The following SDK2 variants were observed in gnomAD, a reference collection of about 807,000 sequenced individuals.
SDK2 encodes the protein sidekick cell adhesion molecule 2, also known as protein sidekick-2.
SDK2 carries 105 observed loss-of-function variants against 253.9 expected under a neutral mutation model. The ratio of observed to expected loss-of-function variants is 0.41; its 90% CI spans 0.35 to 0.49. The LOEUF (loss-of-function observed/expected upper bound fraction) is 0.49, where lower values mean the gene tolerates loss of function less well. Among genes scored for constraint, SDK2 ranks in the 20% least tolerant of loss-of-function variants. The pLI, the probability that SDK2 is intolerant of heterozygous loss-of-function variation, is 0.06. For synonymous variants in SDK2, 1,249 were observed against 1,234.9 expected, an observed-to-expected ratio of 1.01 and a Z score of -0.24; for missense variants, 2,608 against 3,003.0, an observed-to-expected ratio of 0.87 and a Z score of 3.07.
At chr17:73,444,996 G>A (rs1364168766) in intron 5 of SDK2, among the ~76,000 whole-genome samples, 1 of 152,226 alleles carries the variant, frequency 6.6e-6, no homozygotes, top group Non-Finnish European at 1.5e-5. Flanking sequence ...ATTTAATTAA[G>A]AATGGATCCC....
In SDK2 at chr17:73,440,906, C is replaced by T; in HGVS notation, c.631G>A (p.Asp211Asn). The T allele has an allele frequency of 1.3e-6, 2 of 1,551,052 alleles. No homozygotes were observed. Among genetic ancestry groups the T allele is most frequent in the Admixed American group, 2.0e-5 (1 of 50,974 alleles). Reference protein sequence around the residue: ...LTVENVGGPADPIAPTIIIPP... With the variant: ...LTVENVGGPANPIAPTIIIPP... ...ATGATGATGGTGGGTGCGATGGGGT[C>T]TGCAGGCCCCCCTACATCTGGAGAG... The change falls in exon 6 of 45, where the codon GAC becomes AAC. Residue 211 changes from aspartate to asparagine, a missense_variant. Coordinates refer to ENST00000392650, the MANE Select transcript of SDK2 (RefSeq NM_001144952.2).
chr17:73,432,745 T>G (rs1269240526), intron 10 of SDK2, among the ~76,000 whole-genome samples: 1 of 149,660 alleles, frequency 6.7e-6, no homozygotes, highest in Non-Finnish European at 1.5e-5. Flanking sequence ...CTTGCCGGTG[T>G]GAAGGAGCAA....
rs1360579650 is a variant in SDK2, at chr17:73,390,269, G to C, written c.4192+18C>G. ...CTCAGCTGCCCCCAAGCCTTCCCTG[G>C]CCCCCGTGGGCAGTCACCTCTCTTC... On this transcript the variant is annotated intron_variant, in intron 29 of 44. Transcript: ENST00000392650. 1.3e-6 allele frequency: 2 copies of C among 1,542,334 alleles called. No homozygotes were observed. Among genetic ancestry groups the C allele is most frequent in the African/African-American group, 2.7e-5 (2 of 72,814 alleles).
chr17:73,447,616 C>T lies in SDK2; in HGVS notation c.612G>A (p.Glu204=), dbSNP rs551184752. The change falls in exon 5 of 45, where the codon GAG becomes GAA. Residue 204 remains glutamate (E), a splice_region_variant and synonymous_variant. Transcript: ENST00000392650. This position sits in a 1 kb window ranked among gnomAD's most constrained non-coding sequence, Gnocchi z 4.0. ...GGTCCCGGCCCTGTGCGTACTTACT[C>T]TCCACGGTGAGCGTGATGGGCTGGC... is the stretch of plus-strand genomic sequence containing the variant. The part of the protein sequence containing the change: ...KTSQPITLTV[E]NVGGPADPIA... The T allele has an allele frequency of 6.6e-4, 1,032 of 1,551,934 alleles. 11 individuals carry two copies. The South Asian group carries it at 0.012, about 17-fold the overall frequency.
At chr17:73,599,063 AC>A (rs1233825053) in intron 1 of SDK2, among the ~76,000 whole-genome samples, 1 of 152,160 alleles carries the variant, frequency 6.6e-6, no homozygotes, top group Admixed American at 6.5e-5. Flanking sequence ...AGAAAGAGTT[AC>A]CCCTTTTCTT....
chr17:73,638,285 G>T (rs188861006), intron 1 of SDK2, among the ~76,000 whole-genome samples: 2 of 152,172 alleles, frequency 1.3e-5, no homozygotes, highest in Admixed American at 6.5e-5. Context: ...TGCCCTAGTG[G>T]CTAGAAATAT....
chr17:73,612,644 C>A lies in SDK2; in HGVS notation c.64+31381G>T, dbSNP rs558545804. Among the ~76,000 whole-genome samples, 1 of 152,218 alleles carries A rather than the reference C, an allele frequency of 6.6e-6. No individual in the cohort carries two copies. The highest frequency in any genetic ancestry group is 2.4e-5 in the African/African-American group (1 of 41,536). Reference sequence around the variant, plus strand: ...ATAATAATAGTAACAGTAGGCCAGGCGAGGTGGCTCACACCTGTAATCCCA... The same window carrying A: ...ATAATAATAGTAACAGTAGGCCAGGAGAGGTGGCTCACACCTGTAATCCCA... On this transcript the variant is annotated intron_variant, in intron 1 of 44. Transcript: ENST00000392650. The surrounding 1 kb of genome is among the most constrained non-coding windows in gnomAD (Gnocchi z 4.4).
chr17:73,523,396 C>A (rs1041996649), intron 1 of SDK2, among the ~76,000 whole-genome samples: 101 of 151,970 alleles, frequency 6.6e-4, no homozygotes, highest in African/African-American at 2.3e-3. Flanking sequence ...CCCTGGATAC[C>A]CGTGGTTGTG....
At chr17:73,489,986 G>A (rs866863887) in intron 2 of SDK2, among the ~76,000 whole-genome samples, 1 of 152,152 alleles carries the variant, frequency 6.6e-6, no homozygotes, top group Admixed American at 6.5e-5. Flanking sequence ...TGCAAAGAGT[G>A]GATTTACCAT....
intron 15 of SDK2, among the ~76,000 whole-genome samples, chr17:73,420,248 C>T (rs1486623059): frequency 6.6e-6 from 1 of 152,248 alleles, no homozygotes; most frequent in Non-Finnish European, 1.5e-5. Flanking sequence ...CCACTCCAAA[C>T]AAAAGTTAAT....
rs769338519 is a variant in SDK2 at position 73,435,502 on chromosome 17, G to T, written c.1143C>A (p.Phe381Leu). The T allele has an allele frequency of 1.9e-6, 3 of 1,600,746 alleles. No individual in the cohort carries two copies. Among genetic ancestry groups the T allele is most frequent in the African/African-American group, 2.7e-5 (2 of 74,658 alleles). Residue 381 changes from phenylalanine to leucine, a missense_variant, in exon 9 of 45, where the codon TTC becomes TTA. Phe to Leu is a conservative substitution (Grantham distance 22). Transcript: ENST00000392650. This position sits in a 1 kb window ranked among gnomAD's most constrained non-coding sequence, Gnocchi z 5.7. The stretch of plus-strand genomic sequence containing the variant: ...GCACCTCGCCGGCTGCATTGCGGGC[G>T]AAGCACTGGAACATGCCGGTATCAT... ...VPDDTGMFQC[F>L]ARNAAGEVQT...
intron 15 of SDK2, among the ~76,000 whole-genome samples, chr17:73,421,910 G>A (rs184792868): frequency 4.6e-5 from 7 of 152,144 alleles, no homozygotes; most frequent in Middle Eastern, 6.8e-3. Context: ...AGGGCCTGGC[G>A]TCGTGCAAGA....
intron 5 of SDK2, among the ~76,000 whole-genome samples, chr17:73,442,748 A>C (rs2063425349): frequency 6.6e-6 from 1 of 151,962 alleles, no homozygotes; most frequent in African/African-American, 2.4e-5. Flanking sequence ...ATGGATCTAG[A>C]GTTACCATCA....
intron 1 of SDK2, among the ~76,000 whole-genome samples, chr17:73,599,467 G>A (rs369992259): frequency 3.3e-5 from 5 of 152,026 alleles, no homozygotes; most frequent in Non-Finnish European, 4.4e-5. Flanking sequence ...CCCAGGAGGC[G>A]GAGGCTGCAG....
chr17:73,539,785 G>C (rs1030102840), intron 1 of SDK2, among the ~76,000 whole-genome samples: 1 of 149,056 alleles, frequency 6.7e-6, no homozygotes, highest in Non-Finnish European at 1.5e-5. Context: ...CTGATGTCCT[G>C]AGAAGAAGAG....
chr17:73,437,754 G>A lies in SDK2; in HGVS notation c.985C>T (p.Pro329Ser), dbSNP rs2063381225. Reference protein sequence around the residue: ...TAEMEKVVDIPCQAKGVPPPS... With the variant: ...TAEMEKVVDISCQAKGVPPPS... ...ACCTCATTACCTTTGGCCTGACAGG[G>A]GATGTCCACCACCTTCTCCATCTCC... Residue 329 changes from proline (P) to serine (S), a missense_variant, in exon 8 of 45, where the codon CCC (proline) becomes TCC (serine). This residue lies in a region of SDK2 where 1,505 missense variants were observed against 1,859.1 expected (regional missense o/e 0.81). Transcript: ENST00000392650. The A allele has an allele frequency of 1.2e-6, 2 of 1,613,794 alleles. No homozygotes were observed. Among genetic ancestry groups the A allele is most frequent in the Non-Finnish European group, 1.7e-6 (2 of 1,179,808 alleles).
In SDK2 at chr17:73,368,296, C is replaced by T. The variant is rs138932660; in HGVS notation, c.5167+111G>A. On this transcript the variant is annotated intron_variant, in intron 37 of 44. Transcript: ENST00000392650. ...TGGGTACCACGACCAGATCCTCAGG[C>T]GGATAAGGCAGCTGCCCCCATGCCT... 4,535 of 991,114 alleles carry T rather than the reference C, an allele frequency of 4.6e-3. 245 individuals are homozygous for T. The South Asian group carries it at 0.082, about 18-fold the overall frequency. The allele number at this position is 991,114 out of a possible 1,614,324, so 61.4% of individuals were successfully genotyped here. A position where few individuals can be genotyped will look rare whatever the true frequency, so the allele number is the denominator to read the frequency against.
chr17:73,616,543 T>A lies in SDK2; in HGVS notation c.64+27482A>T, dbSNP rs189463084. Reference sequence around the variant, plus strand: ...GGTTTGTTTCGTTCTCCTGGCTGAATTACCACGTGGCAGCAGATCCTTTTT... The same window carrying A: ...GGTTTGTTTCGTTCTCCTGGCTGAAATACCACGTGGCAGCAGATCCTTTTT... On this transcript the variant is annotated intron_variant, in intron 1 of 44. Coordinates refer to ENST00000392650, the MANE Select transcript of SDK2 (RefSeq NM_001144952.2). This position sits in a 1 kb window ranked among gnomAD's most constrained non-coding sequence, Gnocchi z 5.2. 2.0e-5 allele frequency among the ~76,000 whole-genome samples: 3 copies of A among 152,302 alleles called. No individual in the cohort carries two copies. Among genetic ancestry groups the A allele is most frequent in the Admixed American group, 1.3e-4 (2 of 15,302 alleles).
intron 1 of SDK2, among the ~76,000 whole-genome samples, chr17:73,528,509 G>A (rs1026276128): frequency 2.6e-5 from 4 of 152,182 alleles, no homozygotes; most frequent in Non-Finnish European, 4.4e-5. Context: ...ACTTGGGAGC[G>A]AGCAGTGGAG....
Sources: allele counts gnomAD v4.1 joint callset (sites outside exome capture counted in the v4.1 genomes callset), GRCh38; gene constraint gnomAD v4.1.1; regional missense constraint gnomAD v4.1.1; non-coding constraint Gnocchi (gnomAD v3.1); transcripts MANE v1.5; gene names NCBI Gene and HGNC (gene_info 2026-07-23, HGNC 2026-07-21).